Variants in NEGR1 observed in about 807,000 individuals in gnomAD.
NEGR1 encodes the protein IgLON family member 4.
A neutral mutation model predicts 40.9 loss-of-function variants in NEGR1; 10 were observed. The observed-to-expected ratio is 0.24, with a 90% CI of 0.15 to 0.42. NEGR1 has a LOEUF of 0.42. Ranked by LOEUF, NEGR1 falls within the 10% of genes least tolerant of loss-of-function variation. NEGR1 has a pLI of 1.00. For missense variants in NEGR1, 352 were observed against 438.9 expected (o/e 0.80, Z 1.77); for synonymous variants, 185 against 166.8 (o/e 1.11, Z -0.84).
intron 6 of NEGR1, among the ~76,000 whole-genome samples, chr1:71,566,104 C>A (rs746577964): frequency 1.3e-5 from 2 of 152,024 alleles, no homozygotes; most frequent in East Asian, 1.9e-4. Flanking sequence ...GGAAACAACC[C>A]TGCCAAAACC....
At chr1:71,933,272 A>C (rs2100226228) in intron 2 of NEGR1, among the ~76,000 whole-genome samples, 1 of 152,186 alleles carries the variant, frequency 6.6e-6, no homozygotes, top group Non-Finnish European at 1.5e-5. Flanking sequence ...AAATCCTATG[A>C]GAATTAAACA....
At chr1:71,757,727 G>A (rs1655791197) in intron 3 of NEGR1, among the ~76,000 whole-genome samples, 3 of 152,018 alleles carry the variant, frequency 2.0e-5, no homozygotes, top group Admixed American at 6.5e-5. Flanking sequence ...TCATTCTGGT[G>A]ATTGCCCAGT....
intron 2 of NEGR1, among the ~76,000 whole-genome samples, chr1:71,779,949 T>C (rs1191581832): frequency 1.3e-5 from 2 of 148,946 alleles, no homozygotes; most frequent in Non-Finnish European, 3.0e-5. Flanking sequence ...TGATAACAAT[T>C]GTCAGCTCTG....
At chr1:72,075,838 T>C (rs1245785223) in intron 1 of NEGR1, among the ~76,000 whole-genome samples, 1 of 152,194 alleles carries the variant, frequency 6.6e-6, no homozygotes, top group Non-Finnish European at 1.5e-5. Context: ...GTTCCGTTCC[T>C]GATAATTGGT....
intron 2 of NEGR1, among the ~76,000 whole-genome samples, chr1:71,897,985 A>G (rs1013149451): frequency 6.6e-6 from 1 of 152,186 alleles, no homozygotes; most frequent in South Asian, 2.1e-4. Flanking sequence ...CCAACAGACA[A>G]TTTTACTTTA....
intron 1 of NEGR1, among the ~76,000 whole-genome samples, chr1:72,007,272 T>C (rs1293264219): frequency 6.6e-6 from 1 of 152,150 alleles, no homozygotes; most frequent in African/African-American, 2.4e-5. Context: ...TTCTCCTAGT[T>C]TGAAGTTCTT....
chr1:71,530,756 C>A (rs1647334190), intron 6 of NEGR1, among the ~76,000 whole-genome samples: 1 of 151,246 alleles, frequency 6.6e-6, no homozygotes, highest in Admixed American at 6.6e-5. Flanking sequence ...GACATAATGG[C>A]TGCTGCTTGG....
intron 2 of NEGR1, among the ~76,000 whole-genome samples, chr1:71,855,135 A>G (rs913949328): frequency 1.3e-5 from 2 of 152,118 alleles, no homozygotes; most frequent in Non-Finnish European, 2.9e-5. Context: ...TAGAAGTTCT[A>G]TAAATCACTT....
intron 1 of NEGR1, among the ~76,000 whole-genome samples, chr1:72,150,126 T>G (rs1651067684): frequency 6.6e-6 from 1 of 152,100 alleles, no homozygotes; most frequent in Non-Finnish European, 1.5e-5. Context: ...CAAAACTGAG[T>G]GTCTTAAGAC....
chr1:71,954,758 A>G (rs960967336), intron 1 of NEGR1, among the ~76,000 whole-genome samples: 3 of 152,092 alleles, frequency 2.0e-5, no homozygotes, highest in African/African-American at 4.8e-5. Flanking sequence ...ACAAATCCAT[A>G]TAAGCACATT....
At chr1:72,134,350 C>T (rs767820034) in intron 1 of NEGR1, among the ~76,000 whole-genome samples, 54 of 151,704 alleles carry the variant, frequency 3.6e-4, no homozygotes, top group Non-Finnish European at 7.1e-4. Context: ...GGACTACAGG[C>T]GCCCGCCACC....
chr1:72,120,212 A>T (rs2100288732), intron 1 of NEGR1, among the ~76,000 whole-genome samples: 1 of 152,128 alleles, frequency 6.6e-6, no homozygotes, highest in African/African-American at 2.4e-5. Context: ...TAAAAAGCAT[A>T]TTAGATAAAG....
At chr1:72,245,234 C>T (rs1654866475) in intron 1 of NEGR1, among the ~76,000 whole-genome samples, 1 of 152,028 alleles carries the variant, frequency 6.6e-6, no homozygotes, top group Non-Finnish European at 1.5e-5. Context: ...GTGAGCATTT[C>T]CATGCTGGAC....
chr1:71,554,047 A>G lies in NEGR1; in HGVS notation c.940+38770T>C, dbSNP rs565261053. Among the ~76,000 whole-genome samples, 4 of 151,642 alleles carry G rather than the reference A, an allele frequency of 2.6e-5. No individual in the cohort carries two copies. The Admixed American group carries it at 2.6e-4, about 10-fold the overall frequency. ...ATGAAGATCCATTGCTTTAATTAAT[A>G]CTTTTGAGAATTAAAAGAAATAAGT... On this transcript the variant is annotated intron_variant, in intron 6 of 6. Transcript: ENST00000357731.
At chr1:71,775,994 AAAATAAATAAATAAATAAAT>A (rs34165866) in intron 3 of NEGR1, among the ~76,000 whole-genome samples, 158 bp downstream of exon 3, 2 of 141,742 alleles carry the variant, frequency 1.4e-5, no homozygotes, top group African/African-American at 2.6e-5. Context: ...CTCTGTCTCA[AAAATAAATAAATAAATAAAT>A]AAATAAATAA....
chr1:71,547,036 G>A (rs933694435), intron 6 of NEGR1, among the ~76,000 whole-genome samples: 1 of 151,690 alleles, frequency 6.6e-6, no homozygotes, highest in Non-Finnish European at 1.5e-5. Context: ...TGTTCAAGTT[G>A]CTTTTGCTCT....
chr1:71,550,354 C>T (rs546555801), intron 6 of NEGR1, among the ~76,000 whole-genome samples: 2 of 151,654 alleles, frequency 1.3e-5, no homozygotes, highest in East Asian at 3.9e-4. Flanking sequence ...AGTACCTTCC[C>T]TTATTAGGTC....
intron 1 of NEGR1, among the ~76,000 whole-genome samples, chr1:72,013,413 GA>G (rs2100405966): frequency 6.6e-6 from 1 of 152,198 alleles, no homozygotes; most frequent in South Asian, 2.1e-4. Flanking sequence ...AGGGTTCTGG[GA>G]GAGATCAGAG....
At chr1:71,653,172 T>TGAAG (rs1651771647) in intron 4 of NEGR1, among the ~76,000 whole-genome samples, 1 of 152,208 alleles carries the variant, frequency 6.6e-6, no homozygotes, top group African/African-American at 2.4e-5. Flanking sequence ...AATAAAGGGA[T>TGAAG]GAAGGAAGAA....
Sources: allele counts gnomAD v4.1 joint callset (sites outside exome capture counted in the v4.1 genomes callset), GRCh38; gene constraint gnomAD v4.1.1; transcripts MANE v1.5; gene names NCBI Gene and HGNC (gene_info 2026-07-23, HGNC 2026-07-21).